Variants in NALF1 observed in about 807,000 individuals in gnomAD.
The protein encoded by NALF1 is family with sequence similarity 155 member A.
NALF1 carries 3 observed loss-of-function variants against 48.4 expected under a neutral mutation model. The observed-to-expected ratio is 0.06, with a 90% CI of 0.03 to 0.16. NALF1 has a LOEUF of 0.16. Among genes scored for constraint, NALF1 ranks in the 10% least tolerant of loss-of-function variants. The pLI is 1.00. For missense variants in NALF1, 526 were observed against 571.5 expected (o/e 0.92, Z 0.81); for synonymous variants, 262 against 245.7 (o/e 1.07, Z -0.62).
chr13:107,557,949 G>C (rs930369736), intron 1 of NALF1, among the ~76,000 whole-genome samples: 3 of 152,062 alleles, frequency 2.0e-5, no homozygotes, highest in African/African-American at 7.2e-5. Context: ...GTTGTGCGTT[G>C]GTATTCTTGT....
intron 1 of NALF1, among the ~76,000 whole-genome samples, chr13:107,829,044 T>A (rs1201593959): frequency 6.6e-6 from 1 of 152,168 alleles, no homozygotes; most frequent in African/African-American, 2.4e-5. Flanking sequence ...TAGCCTATCA[T>A]GAACATGCCC....
At chr13:107,625,310 T>C (rs1879639702) in intron 1 of NALF1, among the ~76,000 whole-genome samples, 2 of 152,126 alleles carry the variant, frequency 1.3e-5, no homozygotes, top group African/African-American at 4.8e-5. Flanking sequence ...AGCACCTTAA[T>C]GATTAAGAAA....
chr13:107,183,468 T>C (rs1475473828), intron 2 of NALF1, among the ~76,000 whole-genome samples: 1 of 152,142 alleles, frequency 6.6e-6, no homozygotes, highest in Non-Finnish European at 1.5e-5. Flanking sequence ...AGAAATACCA[T>C]TTGACTCAGC....
chr13:107,500,673 T>C (rs1875493325), intron 1 of NALF1, among the ~76,000 whole-genome samples: 1 of 151,040 alleles, frequency 6.6e-6, no homozygotes, highest in South Asian at 2.1e-4. Flanking sequence ...ATTGTGGCAC[T>C]ATTCACAATA....
At chr13:107,579,795 G>A (rs905561905) in intron 1 of NALF1, among the ~76,000 whole-genome samples, 25 of 151,928 alleles carry the variant, frequency 1.6e-4, no homozygotes, top group African/African-American at 2.2e-4. Context: ...CTAGCATTAG[G>A]TATATCTCCC....
At chr13:107,680,536 T>C (rs528654177) in intron 1 of NALF1, among the ~76,000 whole-genome samples, 3 of 151,458 alleles carry the variant, frequency 2.0e-5, no homozygotes, top group Admixed American at 6.6e-5. Context: ...GGAGTGTGTA[T>C]GTGATGGTGT....
At chr13:107,795,538 G>A (rs1878394871) in intron 1 of NALF1, among the ~76,000 whole-genome samples, 3 of 152,086 alleles carry the variant, frequency 2.0e-5, no homozygotes, top group Non-Finnish European at 2.9e-5. Context: ...AATCCTTTAC[G>A]CTTTTCTGTA....
chr13:107,486,460 C>T (rs138797387), intron 1 of NALF1, among the ~76,000 whole-genome samples: 25 of 152,202 alleles, frequency 1.6e-4, no homozygotes, highest in African/African-American at 5.5e-4. Context: ...TTGTATTAAA[C>T]CATGGCCCAA....
At chr13:107,593,788 T>C (rs558113144) in intron 1 of NALF1, among the ~76,000 whole-genome samples, 7 of 146,858 alleles carry the variant, frequency 4.8e-5, no homozygotes, top group Non-Finnish European at 9.0e-5. Context: ...AATGACCAAC[T>C]CAGGACTGCT....
At chr13:107,310,272 T>C (rs1882019043) in intron 1 of NALF1, among the ~76,000 whole-genome samples, 1 of 151,906 alleles carries the variant, frequency 6.6e-6, no homozygotes, top group South Asian at 2.1e-4. Context: ...TAGCCGGGCG[T>C]GGTGGCGGGC....
At chr13:107,600,284 T>C (rs921716554) in intron 1 of NALF1, among the ~76,000 whole-genome samples, 3 of 152,270 alleles carry the variant, frequency 2.0e-5, no homozygotes, top group East Asian at 3.9e-4. Context: ...GGATACACAA[T>C]AGGAAGCAAA....
At chr13:107,752,736 C>G (rs1594244574) in intron 1 of NALF1, among the ~76,000 whole-genome samples, 1 of 152,140 alleles carries the variant, frequency 6.6e-6, no homozygotes, top group South Asian at 2.1e-4. Context: ...TCACAGTAAA[C>G]TCATCACCTT....
chr13:107,741,428 T>C (rs1221532577), intron 1 of NALF1, among the ~76,000 whole-genome samples: 1 of 152,236 alleles, frequency 6.6e-6, no homozygotes, highest in Non-Finnish European at 1.5e-5. Context: ...AATGCTTTCA[T>C]TATTAATAAG....
At chr13:107,257,625 T>G (rs142047819) in intron 1 of NALF1, among the ~76,000 whole-genome samples, 1 of 152,262 alleles carries the variant, frequency 6.6e-6, no homozygotes, top group East Asian at 1.9e-4. Context: ...TAGGGAACTC[T>G]CCTATCTGTG....
intron 1 of NALF1, among the ~76,000 whole-genome samples, chr13:107,430,818 A>G (rs1265595491): frequency 6.6e-6 from 1 of 152,196 alleles, no homozygotes; most frequent in Admixed American, 6.5e-5. Context: ...TATACCCAGT[A>G]ATGGGATGGC....
At chr13:107,179,477 CAAT>C (rs1375847214) in intron 2 of NALF1, among the ~76,000 whole-genome samples, 8 of 151,002 alleles carry the variant, frequency 5.3e-5, no homozygotes, top group Non-Finnish European at 1.0e-4. Flanking sequence ...CTACAGTCAA[CAAT>C]GATGTATTGT....
intron 1 of NALF1, among the ~76,000 whole-genome samples, chr13:107,582,440 C>T (rs79299165): frequency 1.0e-3 from 156 of 152,254 alleles, no homozygotes; most frequent in Admixed American, 2.9e-3. Flanking sequence ...TGCATCTAGT[C>T]CCAAAGGCTG....
At chr13:107,651,367 C>A (rs1165028447) in intron 1 of NALF1, among the ~76,000 whole-genome samples, 1 of 152,152 alleles carries the variant, frequency 6.6e-6, no homozygotes, top group East Asian at 1.9e-4. Context: ...AAATGTCAGG[C>A]CACAAAACTC....
intron 1 of NALF1, among the ~76,000 whole-genome samples, chr13:107,396,325 G>T (rs1883711305): frequency 6.6e-6 from 1 of 152,138 alleles, no homozygotes; most frequent in Non-Finnish European, 1.5e-5. Context: ...TAATGGAAGC[G>T]TTCTGTGTTC....
Sources: gnomAD v4.1 joint callset for allele counts (sites outside exome capture counted in the v4.1 genomes callset) on GRCh38, gnomAD v4.1.1 for gene constraint, MANE v1.5 for transcripts, NCBI Gene and HGNC (gene_info 2026-07-23, HGNC 2026-07-21) for gene names.